CYP4X1: variants seen among roughly 807,000 people sequenced by gnomAD.
CYP4X1 encodes cytochrome P450 family 4 subfamily X member 1, also known as cytochrome P450 4X1.
A neutral mutation model predicts 57.9 loss-of-function variants in CYP4X1; 44 were observed. The observed-to-expected ratio is 0.76, with a 90% CI of 0.60 to 0.98. The LOEUF is 0.98. Ranked by LOEUF, CYP4X1 falls within the 50% of genes least tolerant of loss-of-function variation. CYP4X1 has a pLI of 0.00. For missense variants in CYP4X1, 532 were observed against 623.9 expected (o/e 0.85, Z 1.57); for synonymous variants, 227 against 228.6 (o/e 0.99, Z 0.06).
chr1:46,963,205 C>T, the CYP4X1 span, among the ~76,000 whole-genome samples: 15 of 152,124 alleles, frequency 9.9e-5, no homozygotes, highest in Non-Finnish European at 2.9e-5. Flanking sequence ...GACTCTTTAT[C>T]CAATTTGCCA....
At chr1:46,967,517 A>C in the CYP4X1 span, among the ~76,000 whole-genome samples, 1 of 151,964 alleles carries the variant, frequency 6.6e-6, no homozygotes, top group African/African-American at 2.4e-5. Flanking sequence ...GAGCCTAGGG[A>C]AAGGTGAGAG....
the CYP4X1 span, among the ~76,000 whole-genome samples, chr1:47,011,016 C>T: frequency 7.2e-5 from 11 of 152,310 alleles, no homozygotes; most frequent in East Asian, 2.1e-3. Context: ...CCATCCCCAT[C>T]AAGCTACCAA....
At chr1:46,979,511 A>C in the CYP4X1 span, among the ~76,000 whole-genome samples, 3 of 152,076 alleles carry the variant, frequency 2.0e-5, no homozygotes, top group Non-Finnish European at 4.4e-5. Context: ...AAGAGTCCAC[A>C]ACCAGACAGA....
chr1:47,015,737 A>C, the CYP4X1 span, among the ~76,000 whole-genome samples: 1 of 152,178 alleles, frequency 6.6e-6, no homozygotes, highest in South Asian at 2.1e-4. Context: ...TGGGTGACAC[A>C]ACAAGACTGT....
chr1:47,054,185 C>T (rs1221006110), downstream of CYP4X1, among the ~76,000 whole-genome samples: 1 of 151,652 alleles, frequency 6.6e-6, no homozygotes, highest in Non-Finnish European at 1.5e-5. Flanking sequence ...AATTGTTTCC[C>T]CATTTCTTGT....
chr1:47,005,259 T>C, the CYP4X1 span, among the ~76,000 whole-genome samples: 11 of 152,226 alleles, frequency 7.2e-5, no homozygotes, highest in South Asian at 4.2e-4. Flanking sequence ...GAGTTTACCA[T>C]TGAATGGGAA....
chr1:46,964,944 G>A, the CYP4X1 span, among the ~76,000 whole-genome samples: 6 of 152,184 alleles, frequency 3.9e-5, no homozygotes, highest in South Asian at 2.1e-4. Flanking sequence ...AATGGTGGGC[G>A]CTCCTCCCCT....
chr1:46,998,061 GT>G, the CYP4X1 span, among the ~76,000 whole-genome samples: 2 of 151,832 alleles, frequency 1.3e-5, no homozygotes, highest in African/African-American at 4.8e-5. Context: ...GAAAGGAGGT[GT>G]TTTTTATTAA....
the CYP4X1 span, among the ~76,000 whole-genome samples, chr1:46,976,902 T>G: frequency 6.6e-6 from 1 of 152,076 alleles, no homozygotes; most frequent in Non-Finnish European, 1.5e-5. Flanking sequence ...GAAGGAAAAC[T>G]GACAGACAGA....
chr1:47,050,872 A>C (rs951727731), downstream of CYP4X1: 1 of 152,352 alleles, frequency 6.6e-6, no homozygotes, highest in East Asian at 1.9e-4. Flanking sequence ...ACAAAAGCCA[A>C]AATTGACAAA....
intron 6 of CYP4X1, 61 bp downstream of exon 6, chr1:47,036,232 T>C (rs1161295266): frequency 2.0e-6 from 3 of 1,507,394 alleles, no homozygotes; most frequent in African/African-American, 2.8e-5. Flanking sequence ...TGTGTCTGTC[T>C]AGAGGGATAA....
intron 8 of CYP4X1, among the ~76,000 whole-genome samples, chr1:47,040,952 A>G (rs929265039): frequency 6.6e-6 from 1 of 151,844 alleles, no homozygotes; most frequent in African/African-American, 2.4e-5. Context: ...GTAATCCCCC[A>G]TTCTCCCACA....
At chr1:47,035,264 G>C (rs992183760) in intron 4 of CYP4X1, among the ~76,000 whole-genome samples, 5 of 152,110 alleles carry the variant, frequency 3.3e-5, no homozygotes, top group Non-Finnish European at 5.9e-5. Context: ...TCTCTTTGTG[G>C]GGAAGTTAAG....
At chr1:46,968,347 C>G in the CYP4X1 span, among the ~76,000 whole-genome samples, 3 of 152,186 alleles carry the variant, frequency 2.0e-5, no homozygotes, top group East Asian at 5.8e-4. Context: ...CACACTGAAG[C>G]CACATCCCAG....
At position 47,050,048 on chromosome 1, in the gene CYP4X1, T is replaced by C; in HGVS notation, c.1404T>C (p.Ile468=). The change falls in exon 12 of 12, where the codon ATT becomes ATC. Residue 468 remains isoleucine (I), a synonymous_variant. Coordinates refer to ENST00000371901, the MANE Select transcript of CYP4X1 (RefSeq NM_178033.2). ...EFAMIELKVT[I]ALILLHFRVT... Reference sequence around the variant, plus strand: ...CCATGATTGAGTTAAAGGTAACCATTGCCTTGATTCTGCTCCACTTCAGAG... The same window carrying C: ...CCATGATTGAGTTAAAGGTAACCATCGCCTTGATTCTGCTCCACTTCAGAG... 6 of 1,614,012 alleles carry C rather than the reference T, an allele frequency of 3.7e-6. No homozygotes were observed. Among genetic ancestry groups the C allele is most frequent in the Non-Finnish European group, 5.1e-6 (6 of 1,179,982 alleles).
At chr1:47,052,323 A>G (rs986894623), downstream of CYP4X1, among the ~76,000 whole-genome samples, 4 of 152,218 alleles carry the variant, frequency 2.6e-5, no homozygotes, top group African/African-American at 9.6e-5. Context: ...TTAAATAAGA[A>G]GACAGAAACA....
rs1569663224 is a variant in CYP4X1, at chr1:47,049,444, C to T, written c.1295C>T (p.Ser432Phe). The change falls in exon 11 of 12, where the codon TCT becomes TTT. Residue 432 changes from serine to phenylalanine, a missense_variant. Transcript: ENST00000371901. ...NPKVFDPLRF[S>F]QENSDQRHPY... ...CAGGTCTTTGACCCCTTGAGGTTCT[C>T]TCAGGAGAATTCTGATCAGAGACAC... 1.1e-5 allele frequency: 18 copies of T among 1,614,088 alleles called. No homozygotes were observed. The highest frequency in any genetic ancestry group is 1.4e-5 in the Non-Finnish European group (17 of 1,179,986).
the CYP4X1 span, among the ~76,000 whole-genome samples, chr1:46,962,605 G>A: frequency 5.9e-5 from 9 of 152,294 alleles, no homozygotes; most frequent in African/African-American, 1.7e-4. Flanking sequence ...ATTGCACTGT[G>A]GTCTGAGAGA....
At chr1:46,999,392 T>C in the CYP4X1 span, among the ~76,000 whole-genome samples, 733 of 152,332 alleles carry the variant, frequency 4.8e-3, 11 homozygotes, top group East Asian at 0.045. Flanking sequence ...GGATCTTTTT[T>C]ATTTCTGTGT....
Sources: gnomAD v4.1 joint callset for allele counts (sites outside exome capture counted in the v4.1 genomes callset) on GRCh38, gnomAD v4.1.1 for gene constraint, MANE v1.5 for transcripts, NCBI Gene and HGNC (gene_info 2026-07-23, HGNC 2026-07-21) for gene names.